SPRED2: variants seen among roughly 807,000 people sequenced by gnomAD.
The protein encoded by SPRED2 is sprouty related EVH1 domain containing 2, also known as sprouty-related, EVH1 domain-containing protein 2.
Under a neutral mutation model 43.0 loss-of-function variants are expected in SPRED2, and 47 were observed. That is an observed-to-expected ratio of 1.09 (90% CI 0.87 to 1.40). SPRED2 has a LOEUF of 1.40. Ranked by LOEUF, SPRED2 falls within the 40% of genes most tolerant of loss-of-function variation. The pLI is 0.00. For missense variants in SPRED2, 561 were observed against 586.4 expected (o/e 0.96, Z 0.45); for synonymous variants, 225 against 225.7 (o/e 1.00, Z 0.03).
chr2:65,401,937 G>GTGCACACACACA (rs1553426614), intron 1 of SPRED2, among the ~76,000 whole-genome samples: 3 of 114,714 alleles, frequency 2.6e-5, no homozygotes, highest in African/African-American at 1.0e-4. Flanking sequence ...GCGCGCGCGC[G>GTGCACACACACA]CACACACACA....
At chr2:65,325,220 T>C (rs1673574362) in intron 4 of SPRED2, among the ~76,000 whole-genome samples, 1 of 152,212 alleles carries the variant, frequency 6.6e-6, no homozygotes, top group African/African-American at 2.4e-5. Flanking sequence ...CATCCTCATG[T>C]TCCCAGGAAC....
At chr2:65,308,118 G>A (rs1054539752), downstream of SPRED2, among the ~76,000 whole-genome samples, 1 of 152,234 alleles carries the variant, frequency 6.6e-6, no homozygotes, top group African/African-American at 2.4e-5. Flanking sequence ...CAGGGAAGTG[G>A]GTAGTGGACC....
intron 1 of SPRED2, among the ~76,000 whole-genome samples, chr2:65,421,065 A>T (rs919589923): frequency 6.6e-6 from 1 of 152,248 alleles, no homozygotes; most frequent in African/African-American, 2.4e-5. Context: ...ACAGTCAGAC[A>T]TTACACATAC....
At chr2:65,396,438 GACA>G (rs1300299566) in intron 1 of SPRED2, among the ~76,000 whole-genome samples, 1 of 152,222 alleles carries the variant, frequency 6.6e-6, no homozygotes, top group African/African-American at 2.4e-5. Context: ...ACACTTGACT[GACA>G]ACATTTGTGG....
intron 1 of SPRED2, among the ~76,000 whole-genome samples, chr2:65,391,097 A>AC (rs1458085708): frequency 6.6e-6 from 1 of 151,334 alleles, no homozygotes; most frequent in Non-Finnish European, 1.5e-5. Context: ...CAAAAAAAAA[A>AC]AAAAAAATCT....
chr2:65,328,846 A>C (rs982445810), intron 4 of SPRED2, among the ~76,000 whole-genome samples: 3 of 152,218 alleles, frequency 2.0e-5, no homozygotes, highest in African/African-American at 7.2e-5. Flanking sequence ...CCTCAGCTTT[A>C]ATGTTTGCTG....
chr2:65,346,982 C>T (rs67817304), intron 1 of SPRED2, among the ~76,000 whole-genome samples: 40,911 of 152,106 alleles, frequency 0.27, 6,875 homozygotes, highest in East Asian at 0.7. Context: ...CCTTCCAATG[C>T]CCTTGTCTTA....
intron 1 of SPRED2, among the ~76,000 whole-genome samples, chr2:65,427,227 A>G (rs1297909900): frequency 6.6e-6 from 1 of 151,536 alleles, no homozygotes; most frequent in Non-Finnish European, 1.5e-5. Context: ...GTGCGCTACC[A>G]CACGCGGCTA....
intron 1 of SPRED2, among the ~76,000 whole-genome samples, chr2:65,379,696 C>T (rs978832363): frequency 6.6e-6 from 1 of 152,032 alleles, no homozygotes; most frequent in Non-Finnish European, 1.5e-5. Context: ...ATGCTTGAGT[C>T]GACACTGCAA....
chr2:65,353,743 T>C (rs1674572648), intron 1 of SPRED2, among the ~76,000 whole-genome samples: 1 of 152,190 alleles, frequency 6.6e-6, no homozygotes, highest in Non-Finnish European at 1.5e-5. Context: ...ATTTAATATT[T>C]AGATAATATA....
chr2:65,327,110 C>A (rs1400604498), intron 4 of SPRED2, among the ~76,000 whole-genome samples: 1 of 152,152 alleles, frequency 6.6e-6, no homozygotes, highest in Non-Finnish European at 1.5e-5. Context: ...CCTCACTTGG[C>A]CTCCCGAAGT....
intron 1 of SPRED2, among the ~76,000 whole-genome samples, chr2:65,387,797 C>CT (rs1173876935): frequency 2.8e-5 from 4 of 142,720 alleles, no homozygotes; most frequent in Non-Finnish European, 3.1e-5. Flanking sequence ...AAATTCTTTT[C>CT]TTTTTCTTTT....
intron 1 of SPRED2, among the ~76,000 whole-genome samples, chr2:65,368,592 A>G (rs78181641): frequency 6.6e-6 from 1 of 152,342 alleles, no homozygotes; most frequent in Admixed American, 6.5e-5. Flanking sequence ...AATAGCAATA[A>G]TAATGTGTGC....
chr2:65,396,675 C>T (rs1311756350), intron 1 of SPRED2, among the ~76,000 whole-genome samples: 1 of 152,088 alleles, frequency 6.6e-6, no homozygotes, highest in Non-Finnish European at 1.5e-5. Context: ...TTTTTTATTC[C>T]AAAGGAGCAG....
intron 1 of SPRED2, among the ~76,000 whole-genome samples, chr2:65,412,970 A>T (rs1486862762): frequency 6.6e-6 from 1 of 152,176 alleles, no homozygotes; most frequent in Non-Finnish European, 1.5e-5. Context: ...TTGGCACTAT[A>T]AGCAGATCAT....
intron 1 of SPRED2, among the ~76,000 whole-genome samples, chr2:65,425,033 A>C (rs1283836131): frequency 6.6e-6 from 1 of 152,262 alleles, no homozygotes; most frequent in African/African-American, 2.4e-5. Flanking sequence ...GTATCTGAAA[A>C]GTCAGTACTG....
At chr2:65,363,497 A>C (rs1384959963) in intron 1 of SPRED2, among the ~76,000 whole-genome samples, 1 of 152,200 alleles carries the variant, frequency 6.6e-6, no homozygotes, top group Non-Finnish European at 1.5e-5. Flanking sequence ...TGAGCTACAC[A>C]GGAATGTTGC....
At chr2:65,359,757 G>A (rs540253716) in intron 1 of SPRED2, among the ~76,000 whole-genome samples, 15 of 152,114 alleles carry the variant, frequency 9.9e-5, no homozygotes, top group Non-Finnish European at 1.5e-4. Context: ...GTGAAGCCCC[G>A]TCTCTACCAA....
intron 1 of SPRED2, among the ~76,000 whole-genome samples, chr2:65,415,916 C>T (rs940670430): frequency 2.0e-5 from 3 of 152,320 alleles, no homozygotes; most frequent in South Asian, 2.1e-4. Context: ...TTCCTCTCCT[C>T]AGCTCACTAA....
Sources: allele counts gnomAD v4.1 joint callset (sites outside exome capture counted in the v4.1 genomes callset), GRCh38; gene constraint gnomAD v4.1.1; transcripts MANE v1.5; gene names NCBI Gene and HGNC (gene_info 2026-07-23, HGNC 2026-07-21).